MROH1: variants seen among roughly 807,000 people sequenced by gnomAD.
MROH1 encodes the protein maestro heat-like repeat-containing protein family member 1.
MROH1 carries 117 observed loss-of-function variants against 116.5 expected under a neutral mutation model. That is an observed-to-expected ratio of 1.00 (90% CI 0.86 to 1.17). The LOEUF (loss-of-function observed/expected upper bound fraction) is 1.17. MROH1 is among the 50% of genes most tolerant of loss of function. MROH1 has a pLI of 0.00. For missense variants in MROH1, 1,873 were observed against 1,338.5 expected (o/e 1.40, Z -6.23); for synonymous variants, 921 against 583.9 (o/e 1.58, Z -8.32).
intron 4 of MROH1, among the ~76,000 whole-genome samples, chr8:144,172,050 G>A (rs2131101693): frequency 6.6e-6 from 1 of 152,270 alleles, no homozygotes; most frequent in East Asian, 1.9e-4. Context: ...TTCCAGACTG[G>A]ACTCTGGCAT....
rs144959469 is a variant in MROH1 at position 144,207,188 on chromosome 8, G to A, written c.1141+6647G>A. Among the ~76,000 whole-genome samples, 1,124 of 151,306 alleles carry A rather than the reference G, an allele frequency of 7.4e-3. 12 individuals carry two copies. The highest frequency in any genetic ancestry group is 0.026 in the African/African-American group (1,053 of 41,262). ...CAAGTCTTTTTTTTGGGGGGTGGGG[G>A]GCCAGTTGTTGTTTTTTTGAGATGG... On this transcript the variant is annotated intron_variant, in intron 12 of 43. Coordinates refer to ENST00000326134, the MANE Select transcript of MROH1 (RefSeq NM_032450.3).
rs995446888 is a variant in MROH1, at chr8:144,245,134, G to A, written c.2767-22G>A. ...CAGGGCTGCCCTCTGAGCAGTACCT[G>A]TGTGACGCCCCTCTTCCTCAGCACC... is the stretch of plus-strand genomic sequence containing the variant. On this transcript the variant is annotated intron_variant, in intron 28 of 43. Transcript: ENST00000326134. 14,168 of 778,664 alleles carry A rather than the reference G, an allele frequency of 0.018. 1,400 individuals are homozygous for A. The African/African-American group carries it at 0.21, about 12-fold the overall frequency. 48.2% of individuals were successfully genotyped at this position (778,664 alleles called of 1,614,324 possible).
chr8:144,239,659 G>C lies in MROH1; in HGVS notation c.1678G>C (p.Ala560Pro). 1.3e-6 allele frequency: 1 copy of C among 765,340 alleles called. No individual in the cohort carries two copies. Among genetic ancestry groups the C allele is most frequent in the Middle Eastern group, 2.3e-4 (1 of 4,410 alleles). 47.4% of individuals were successfully genotyped at this position (765,340 alleles called of 1,614,324 possible). A position where few individuals can be genotyped will look rare whatever the true frequency, so the allele number is the denominator to read the frequency against. ...CCTAGGGGACGGACGTGGGGCAGCG[G>C]CGCTGCGCCTCCTCAGTGTTCTGCA... ...PYLGDGRGAA[A>P]LRLLSVLHPN... Residue 560 changes from alanine (A) to proline (P), a missense_variant, in exon 18 of 44, where the codon GCG (alanine) becomes CCG (proline). Ala to Pro is a conservative substitution (Grantham distance 27). Transcript: ENST00000326134.
At chr8:144,148,404 C>G (rs1231292649) in intron 1 of MROH1, among the ~76,000 whole-genome samples, 2 of 152,154 alleles carry the variant, frequency 1.3e-5, no homozygotes, top group Non-Finnish European at 2.9e-5. Context: ...TCCGCGGGAG[C>G]CCGGTGGTCC....
intron 3 of MROH1, among the ~76,000 whole-genome samples, chr8:144,164,850 T>C (rs1427349394): frequency 6.6e-6 from 1 of 152,194 alleles, no homozygotes; most frequent in Non-Finnish European, 1.5e-5. Flanking sequence ...GTACTGGCAG[T>C]TGGGAAGTCC....
intron 12 of MROH1, chr8:144,201,186 A>T (rs898629065): frequency 2.0e-5 from 3 of 151,872 alleles, no homozygotes; most frequent in African/African-American, 7.3e-5. Context: ...CCTCCCGAGT[A>T]GCTGGAACTA....
intron 37 of MROH1, among the ~76,000 whole-genome samples, chr8:144,259,633 TG>T (rs1211499804): frequency 6.6e-6 from 1 of 152,236 alleles, no homozygotes; most frequent in East Asian, 1.9e-4. Context: ...GGCTGGCCCC[TG>T]GGACCCCAGG....
At chr8:144,169,112 G>A (rs117028814) in intron 4 of MROH1, among the ~76,000 whole-genome samples, 3,519 of 152,326 alleles carry the variant, frequency 0.023, 69 homozygotes, top group South Asian at 0.043. Flanking sequence ...CGCTGACAGC[G>A]TTAGCACTGC....
rs1840715418 is a variant in MROH1, at chr8:144,240,103, C to T, written c.1777C>T (p.His593Tyr). The change falls in exon 19 of 44, where the codon CAC becomes TAC. Residue 593 changes from histidine to tyrosine, a missense_variant and splice_region_variant. His to Tyr is a moderately conservative substitution (Grantham distance 83, BLOSUM62 2). Transcript: ENST00000326134. ...GGCCTGCGCGGCTGTCGTTTCAGAG[C>T]ACACAGAAGAGACCCTGCCACAGGA... ...VPLLLGYLDE[H>Y]TEETLPQEEW... The T allele has an allele frequency of 2.6e-6, 2 of 778,198 alleles. No individual in the cohort carries two copies. Among genetic ancestry groups the T allele is most frequent in the East Asian group, 2.4e-5 (1 of 41,168 alleles). The allele number at this position is 778,198 out of a possible 1,614,324, so 48.2% of individuals were successfully genotyped here.
Position 144,180,498 on chromosome 8 carries a change from C to G in MROH1, c.537C>G (p.Asp179Glu). The change falls in exon 7 of 44, where the codon GAC (aspartate) becomes GAG (glutamate). Residue 179 changes from aspartate (D) to glutamate (E), a missense_variant. Physicochemically the swap from Asp to Glu is conservative, Grantham distance 45. Transcript: ENST00000326134. The surrounding 1 kb of genome is among the most constrained non-coding windows in gnomAD (Gnocchi z 7.4). ...LLPVLGVAKQ[D>E]TVRVAFCSAL... The stretch of plus-strand genomic sequence containing the variant: ...CCGTGCTGGGCGTGGCCAAGCAGGA[C>G]ACGGTGCGCGTGGCCTTCTGCTCCG... The G allele has an allele frequency of 6.2e-7, 1 of 1,611,494 alleles. No homozygotes were observed. The highest frequency in any genetic ancestry group is 8.5e-7 in the Non-Finnish European group (1 of 1,179,820).
intron 4 of MROH1, among the ~76,000 whole-genome samples, chr8:144,179,045 A>G (rs1824849302): frequency 6.6e-6 from 1 of 151,954 alleles, no homozygotes; most frequent in Non-Finnish European, 1.5e-5. Flanking sequence ...CGTTGGATAC[A>G]AGCACTAGCC....
At chr8:144,193,068 C>T (rs1393555851) in intron 10 of MROH1, 5 of 170,890 alleles carry the variant, frequency 2.9e-5, no homozygotes, top group South Asian at 1.3e-4. Context: ...CTGCCCCTCA[C>T]CTGGCCCACT....
intron 12 of MROH1, among the ~76,000 whole-genome samples, chr8:144,209,027 T>TTGTGTGTGTGTGTGTGTG (rs71320812): frequency 1.4e-4 from 20 of 141,742 alleles, no homozygotes; most frequent in African/African-American, 4.9e-4. Context: ...CTCGGCCATT[T>TTGTGTGTGTGTGTGTGTG]TGTGTGTGTG....
At chr8:144,244,135 T>A in intron 26 of MROH1, 87 bp from the exon 27 acceptor site, 1 of 703,232 alleles carries the variant, frequency 1.4e-6, no homozygotes, top group Non-Finnish European at 2.6e-6. Context: ...TGGCAGTGGC[T>A]GTGCTGCCCA....
intron 4 of MROH1, among the ~76,000 whole-genome samples, chr8:144,170,665 C>G (rs1822209314): frequency 6.6e-6 from 1 of 152,242 alleles, no homozygotes; most frequent in Admixed American, 6.5e-5. Context: ...GCACAGTGTC[C>G]TGGGGTACTC....
chr8:144,162,369 GAGCCA>G (rs1819756345), intron 2 of MROH1, among the ~76,000 whole-genome samples: 1 of 151,332 alleles, frequency 6.6e-6, no homozygotes. Flanking sequence ...TTACAGATAT[GAGCCA>G]CTGCGCCCGG....
intron 12 of MROH1, among the ~76,000 whole-genome samples, chr8:144,201,627 A>G (rs944655188): frequency 1.3e-5 from 2 of 152,196 alleles, no homozygotes; most frequent in African/African-American, 4.8e-5. Flanking sequence ...TGCCCCCTGT[A>G]CTGAGGTTCA....
chr8:144,227,955 A>G (rs1838121760), intron 14 of MROH1, among the ~76,000 whole-genome samples: 1 of 151,838 alleles, frequency 6.6e-6, no homozygotes, highest in Non-Finnish European at 1.5e-5. Context: ...CCTACCTGAA[A>G]AAAGAAAACA....
intron 30 of MROH1, 51 bp downstream of exon 30, chr8:144,247,487 G>A: frequency 1.3e-6 from 1 of 763,800 alleles, no homozygotes; most frequent in Non-Finnish European, 2.4e-6. Flanking sequence ...GGGGTGCTTG[G>A]AGGGATGAGG....
Sources: allele counts gnomAD v4.1 joint callset (sites outside exome capture counted in the v4.1 genomes callset), GRCh38; gene constraint gnomAD v4.1.1; non-coding constraint Gnocchi (gnomAD v3.1); transcripts MANE v1.5; gene names NCBI Gene and HGNC (gene_info 2026-07-23, HGNC 2026-07-21).